Variants in PRKAR2B observed in about 807,000 individuals in gnomAD.
The protein encoded by PRKAR2B is protein kinase cAMP-dependent type II regulatory subunit beta.
Under a neutral mutation model 49.9 loss-of-function variants are expected in PRKAR2B, and 14 were observed. The ratio of observed to expected loss-of-function variants is 0.28; its 90% CI spans 0.19 to 0.44. PRKAR2B has a LOEUF of 0.44. Ranked by LOEUF, PRKAR2B falls within the 20% of genes least tolerant of loss-of-function variation. The pLI, the probability that PRKAR2B is intolerant of heterozygous loss-of-function variation, is 1.00. For synonymous variants in PRKAR2B, 196 were observed against 197.7 expected, an observed-to-expected ratio of 0.99 and a Z score of 0.07; for missense variants, 393 against 537.9, an observed-to-expected ratio of 0.73 and a Z score of 2.67.
intron 2 of PRKAR2B, among the ~76,000 whole-genome samples, chr7:107,095,897 C>T (rs1794827587): frequency 1.3e-5 from 2 of 152,200 alleles, no homozygotes; most frequent in African/African-American, 2.4e-5. Flanking sequence ...CTGCTGGATT[C>T]AGTTTGCGAG....
chr7:107,049,030 C>T (rs998764227), intron 1 of PRKAR2B, among the ~76,000 whole-genome samples: 2 of 152,082 alleles, frequency 1.3e-5, no homozygotes, highest in South Asian at 2.1e-4. Flanking sequence ...GGGTAGCATC[C>T]CTAGGCCTTG....
chr7:107,117,785 C>A (rs575646513), intron 2 of PRKAR2B, among the ~76,000 whole-genome samples: 3 of 152,108 alleles, frequency 2.0e-5, no homozygotes, highest in Non-Finnish European at 2.9e-5. Flanking sequence ...CCACAATATG[C>A]GAAGTCAGTA....
intron 2 of PRKAR2B, among the ~76,000 whole-genome samples, chr7:107,115,301 A>G (rs2115567383): frequency 6.6e-6 from 1 of 152,300 alleles, no homozygotes; most frequent in East Asian, 1.9e-4. Context: ...AAATCTTTAT[A>G]GTAAAATTTT....
At chr7:107,091,719 TG>T (rs1452608766) in intron 2 of PRKAR2B, 1 of 152,214 alleles carries the variant, frequency 6.6e-6, no homozygotes, top group African/African-American at 2.4e-5. Flanking sequence ...ATGGTGGAAA[TG>T]CCACTATTTT....
At position 107,128,276 on chromosome 7, in the gene PRKAR2B, T is replaced by C; in HGVS notation, c.461T>C (p.Leu154Pro). 6.2e-7 allele frequency: 1 copy of C among 1,610,964 alleles called. No individual in the cohort carries two copies. The highest frequency in any genetic ancestry group is 8.5e-7 in the Non-Finnish European group (1 of 1,177,094). Reference protein sequence around the residue: ...RLQEACKDILLFKNLDPEQMS... With the variant: ...RLQEACKDILPFKNLDPEQMS... ...CAAGAGGCTTGCAAAGACATCCTGC[T>C]GTTTAAGAATCTGGATCCGGTAAGA... The change falls in exon 4 of 11, where the codon CTG (leucine) becomes CCG (proline). Residue 154 changes from leucine (L) to proline (P), a missense_variant. This residue lies in a region of PRKAR2B where 233 missense variants were observed against 390.4 expected (regional missense o/e 0.60). Coordinates refer to ENST00000265717, the MANE Select transcript of PRKAR2B (RefSeq NM_002736.3).
chr7:107,148,209 A>G (rs367884840), intron 6 of PRKAR2B, among the ~76,000 whole-genome samples: 1 of 152,244 alleles, frequency 6.6e-6, no homozygotes, highest in South Asian at 2.1e-4. Flanking sequence ...AGCATCTGCC[A>G]TGACCTGTTT....
chr7:107,052,871 C>T (rs534592162), intron 1 of PRKAR2B, among the ~76,000 whole-genome samples: 18 of 152,280 alleles, frequency 1.2e-4, no homozygotes, highest in African/African-American at 4.1e-4. Context: ...TGCTCTGTTG[C>T]CCAGGCTGGA....
intron 3 of PRKAR2B, 65 bp downstream of exon 3, chr7:107,122,069 C>G: frequency 8.8e-7 from 1 of 1,131,380 alleles, no homozygotes; most frequent in Non-Finnish European, 1.3e-6. Context: ...GGAAAATAAT[C>G]ATAGAAAAGA....
At chr7:107,055,269 A>T (rs1793888830) in intron 1 of PRKAR2B, among the ~76,000 whole-genome samples, 1 of 152,250 alleles carries the variant, frequency 6.6e-6, no homozygotes, top group Non-Finnish European at 1.5e-5. Flanking sequence ...GCCACAATAA[A>T]TACATGTGTG....
intron 2 of PRKAR2B, among the ~76,000 whole-genome samples, chr7:107,103,456 C>T (rs1359477028): frequency 6.6e-6 from 1 of 152,160 alleles, no homozygotes; most frequent in Non-Finnish European, 1.5e-5. Context: ...CACACATACA[C>T]ACAAATACAG....
At chr7:107,107,862 T>G (rs1193589173) in intron 2 of PRKAR2B, among the ~76,000 whole-genome samples, 3 of 152,106 alleles carry the variant, frequency 2.0e-5, no homozygotes. Context: ...TTTACCACGT[T>G]GGCCAGGATG....
chr7:107,065,361 TGTGTGTGTGTGTGTG>T (rs1303516802), intron 1 of PRKAR2B, among the ~76,000 whole-genome samples: 1 of 144,234 alleles, frequency 6.9e-6, no homozygotes, highest in African/African-American at 2.6e-5. Flanking sequence ...TGTGTGTGTG[TGTGTGTGTGTGTGTG>T]TTTATGACTG....
intron 2 of PRKAR2B, among the ~76,000 whole-genome samples, chr7:107,102,186 G>A (rs991075019): frequency 6.6e-6 from 1 of 152,158 alleles, no homozygotes; most frequent in East Asian, 1.9e-4. Context: ...CAGCCTGGGT[G>A]ACAGAGCGAG....
chr7:107,122,841 A>T (rs932277440), intron 3 of PRKAR2B, among the ~76,000 whole-genome samples: 16 of 152,194 alleles, frequency 1.1e-4, no homozygotes, highest in African/African-American at 3.4e-4. Flanking sequence ...AACGTGGAAG[A>T]TCTTGAAATC....
At chr7:107,155,418 G>A (rs910215293) in intron 8 of PRKAR2B, among the ~76,000 whole-genome samples, 17 of 151,946 alleles carry the variant, frequency 1.1e-4, no homozygotes, top group East Asian at 3.9e-4. Flanking sequence ...AAATAAATAC[G>A]GGTTCTAGAT....
chr7:107,113,963 C>T (rs1795219774), intron 2 of PRKAR2B, among the ~76,000 whole-genome samples: 1 of 152,200 alleles, frequency 6.6e-6, no homozygotes, highest in Non-Finnish European at 1.5e-5. Context: ...GTTCTGGACT[C>T]ATCCTCTTAG....
chr7:107,103,003 A>G (rs938994495), intron 2 of PRKAR2B, among the ~76,000 whole-genome samples: 2 of 152,188 alleles, frequency 1.3e-5, no homozygotes, highest in Non-Finnish European at 2.9e-5. Flanking sequence ...ATATTACTGC[A>G]TAGCTCCCTT....
At chr7:107,146,646 G>GC (rs1451393435) in intron 6 of PRKAR2B, among the ~76,000 whole-genome samples, 185 bp downstream of exon 6, 1 of 152,170 alleles carries the variant, frequency 6.6e-6, no homozygotes. Flanking sequence ...TGATGTCATT[G>GC]CCCCCACTCC....
At chr7:107,138,339 G>T (rs762203349) in intron 4 of PRKAR2B, among the ~76,000 whole-genome samples, 1 of 152,132 alleles carries the variant, frequency 6.6e-6, no homozygotes, top group East Asian at 1.9e-4. Context: ...ATGTGTTGGG[G>T]TAGAGGATAT....
Sources: gnomAD v4.1 joint callset for allele counts (sites outside exome capture counted in the v4.1 genomes callset) on GRCh38, gnomAD v4.1.1 for gene constraint, gnomAD v4.1.1 regional missense constraint, MANE v1.5 for transcripts, NCBI Gene and HGNC (gene_info 2026-07-23, HGNC 2026-07-21) for gene names.